The following MED13L variants were observed in gnomAD, a reference collection of about 807,000 sequenced individuals.
MED13L encodes mediator complex subunit 13L.
In MED13L, 7 loss-of-function variants were observed where a neutral mutation model predicts 220.9. That is an observed-to-expected ratio of 0.03 (90% confidence interval 0.02 to 0.06). MED13L has a LOEUF of 0.06. Among genes scored for constraint, MED13L ranks in the 10% least tolerant of loss-of-function variants. The probability of loss-of-function intolerance (pLI) is 1.00; values close to 1 mark genes in which losing one functional copy is unlikely to be tolerated. For missense variants in MED13L, 1,965 were observed against 2,760.5 expected, an observed-to-expected ratio of 0.71 and a Z score of 6.46; for synonymous variants, 1,011 against 1,015.2, an observed-to-expected ratio of 1.00 and a Z score of 0.08.
At chr12:115,968,053 T>TCCCCCCC (rs57877420) in intron 28 of MED13L, among the ~76,000 whole-genome samples, 1 of 40,628 alleles carries the variant, frequency 2.5e-5, no homozygotes, top group Non-Finnish European at 4.8e-5. Context: ...GGAATAAAAG[T>TCCCCCCC]CCCCCCCCCC....
intron 1 of MED13L, among the ~76,000 whole-genome samples, chr12:116,248,153 A>G (rs1871236774): frequency 6.6e-6 from 1 of 152,240 alleles, no homozygotes; most frequent in African/African-American, 2.4e-5. Flanking sequence ...AGAATAAAAT[A>G]GAAGAATAAA....
chr12:116,202,161 T>C (rs980472142), intron 2 of MED13L, among the ~76,000 whole-genome samples: 6 of 152,210 alleles, frequency 3.9e-5, no homozygotes, highest in South Asian at 2.1e-4. Context: ...AAGCAGGGCA[T>C]GTGCAAAATT....
chr12:116,251,308 CTTTTTTTTTTT>C (rs61533775), intron 1 of MED13L, among the ~76,000 whole-genome samples: 102 of 87,894 alleles, frequency 1.2e-3, no homozygotes, highest in African/African-American at 3.8e-3. Context: ...ATCATGGATC[CTTTTTTTTTTT>C]TTTTTTTTTT....
At chr12:116,210,705 T>A (rs1473066875) in intron 2 of MED13L, among the ~76,000 whole-genome samples, 2 of 151,318 alleles carry the variant, frequency 1.3e-5, no homozygotes, top group Non-Finnish European at 2.9e-5. Flanking sequence ...CAATAAAGAA[T>A]TCCAAAATCC....
chr12:116,226,433 T>C (rs943202373), intron 2 of MED13L, among the ~76,000 whole-genome samples: 6 of 152,184 alleles, frequency 3.9e-5, no homozygotes, highest in Admixed American at 2.0e-4. Context: ...AATATTTACA[T>C]AGATGGAGCT....
chr12:116,148,291 A>T (rs1877725608), intron 2 of MED13L, among the ~76,000 whole-genome samples: 1 of 151,776 alleles, frequency 6.6e-6, no homozygotes, highest in Admixed American at 6.6e-5. Context: ...TTTGCTTTTA[A>T]AAAAAGCCAA....
intron 30 of MED13L, 93 bp from the exon 31 acceptor site, chr12:115,961,491 A>G: frequency 6.6e-7 from 1 of 1,516,150 alleles, no homozygotes; most frequent in Non-Finnish European, 9.1e-7. Context: ...AGCAGGAAGG[A>G]GGTCTCAAAG....
rs150714775 is a variant in MED13L, at chr12:116,069,176, T to C, written c.479+27493A>G. Among the ~76,000 whole-genome samples the C allele has an allele frequency of 2.0e-5, 3 of 152,278 alleles. No individual in the cohort carries two copies. In the East Asian group the frequency reaches 5.8e-4, roughly 29 times the overall value. The stretch of plus-strand genomic sequence containing the variant: ...GCCAAAAGAATCCTGAGCAGCCCTA[T>C]TAAAGATGATACGTGGAACCAAGAC... On this transcript the variant is annotated intron_variant, in intron 4 of 30. Transcript: ENST00000281928.
At chr12:116,102,697 CTTTTTCTTTTTTCTTTTT>C (rs1468491539) in intron 3 of MED13L, among the ~76,000 whole-genome samples, 154 of 73,296 alleles carry the variant, frequency 2.1e-3, no homozygotes, top group Middle Eastern at 9.4e-3. Flanking sequence ...TTTTCTTTTT[CTTTTTCTTTTTTCTTTTT>C]TTTTTTTTTT....
intron 2 of MED13L, among the ~76,000 whole-genome samples, chr12:116,123,316 C>G (rs1018872942): frequency 1.3e-5 from 2 of 151,956 alleles, no homozygotes; most frequent in Non-Finnish European, 2.9e-5. Context: ...ACAAGGAAAA[C>G]CAATATTTTT....
chr12:116,157,713 T>C (rs901616916), intron 2 of MED13L, among the ~76,000 whole-genome samples: 3 of 152,264 alleles, frequency 2.0e-5, no homozygotes, highest in African/African-American at 7.2e-5. Flanking sequence ...TATTTAGTCT[T>C]ATAATGCAAA....
chr12:116,135,681 C>T lies in MED13L; in HGVS notation c.311-24169G>A, dbSNP rs1876478938. 2.0e-5 allele frequency among the ~76,000 whole-genome samples: 3 copies of T among 152,114 alleles called. No individual in the cohort carries two copies. In the South Asian group the frequency reaches 6.2e-4, roughly 31 times the overall value. On this transcript the variant is annotated intron_variant, in intron 2 of 30. Coordinates refer to ENST00000281928, the MANE Select transcript of MED13L (RefSeq NM_015335.5). ...GTAGTATTTGTTCTAAGACCTAATG[C>T]TATCAAGGAACCAGGCTCGTGAGAT...
At chr12:116,015,734 A>G (rs1201039791) in intron 7 of MED13L, among the ~76,000 whole-genome samples, 4 of 152,254 alleles carry the variant, frequency 2.6e-5, no homozygotes, top group Non-Finnish European at 5.9e-5. Context: ...AAATGGCTGT[A>G]TATCAGCAGC....
At chr12:116,271,040 CAAAAAAAAA>C (rs58162276) in intron 1 of MED13L, among the ~76,000 whole-genome samples, 12 of 30,096 alleles carry the variant, frequency 4.0e-4, no homozygotes, top group Admixed American at 1.9e-3. Flanking sequence ...GACTCCGTCT[CAAAAAAAAA>C]AAAAAAAAAA....
chr12:116,072,805 AC>A (rs1420941942), intron 4 of MED13L, among the ~76,000 whole-genome samples: 1 of 152,230 alleles, frequency 6.6e-6, no homozygotes, highest in African/African-American at 2.4e-5. Flanking sequence ...TGAATTAAAT[AC>A]TGTAGTGCTT....
intron 2 of MED13L, among the ~76,000 whole-genome samples, chr12:116,223,467 G>A (rs999148699): frequency 2.6e-5 from 4 of 152,064 alleles, no homozygotes; most frequent in Admixed American, 2.6e-4. Context: ...CAGCACTTTG[G>A]GAGGCCGGGT....
chr12:116,014,361 G>A lies in MED13L; in HGVS notation c.1175+748C>T, dbSNP rs1044585314. Among the ~76,000 whole-genome samples the A allele has an allele frequency of 2.6e-5, 4 of 152,288 alleles. No homozygotes were observed. The East Asian group carries it at 7.7e-4, about 29-fold the overall frequency. On this transcript the variant is annotated intron_variant, in intron 8 of 30. Coordinates refer to ENST00000281928, the MANE Select transcript of MED13L (RefSeq NM_015335.5). The stretch of plus-strand genomic sequence containing the variant: ...AAGACTCATTTGTCTACTTTCATTA[G>A]TCAAGAAAGCAGACATCTACTCATA...
At chr12:116,167,463 T>G (rs1456780410) in intron 2 of MED13L, among the ~76,000 whole-genome samples, 1 of 152,188 alleles carries the variant, frequency 6.6e-6, no homozygotes, top group Non-Finnish European at 1.5e-5. Context: ...TATGTTGACT[T>G]ACAGATTTGG....
intron 4 of MED13L, among the ~76,000 whole-genome samples, chr12:116,047,055 GA>G (rs1197867956): frequency 6.6e-6 from 1 of 152,132 alleles, no homozygotes; most frequent in African/African-American, 2.4e-5. Flanking sequence ...CATCTCACAG[GA>G]ATATAAAAGA....
Sources: gnomAD v4.1 joint callset for allele counts (sites outside exome capture counted in the v4.1 genomes callset) on GRCh38, gnomAD v4.1.1 for gene constraint, MANE v1.5 for transcripts, NCBI Gene and HGNC (gene_info 2026-07-23, HGNC 2026-07-21) for gene names.